The following ERMP1 variants were observed in gnomAD, a reference collection of about 807,000 sequenced individuals.
ERMP1 encodes the protein endoplasmic reticulum metallopeptidase 1.
In ERMP1, 86 loss-of-function variants were observed where a neutral mutation model predicts 92.0. That is an observed-to-expected ratio of 0.93 (90% CI 0.79 to 1.12). ERMP1 has a LOEUF of 1.12. Among genes scored for constraint, ERMP1 ranks in the 50% most tolerant of loss-of-function variants. The pLI is 0.00. For missense variants in ERMP1, 1,342 were observed against 1,116.3 expected, an observed-to-expected ratio of 1.20 and a Z score of -2.88; for synonymous variants, 530 against 412.8, an observed-to-expected ratio of 1.28 and a Z score of -3.44.
Position 5,785,190 on chromosome 9 carries a change from A to G in ERMP1, c.*1954T>C, listed in dbSNP as rs1243087796. On this transcript the variant is annotated 3_prime_UTR_variant, in exon 15 of 15. Coordinates refer to ENST00000339450, the MANE Select transcript of ERMP1 (RefSeq NM_024896.3). ...CAAAAGACAATGGTTTACACAGGGAAATAACCCTAAGGCAATATGAAAACA... is the reference window on the plus strand; with the variant it reads ...CAAAAGACAATGGTTTACACAGGGAGATAACCCTAAGGCAATATGAAAACA... 1 of 152,236 alleles carries G rather than the reference A, an allele frequency of 6.6e-6. No individual in the cohort carries two copies. The highest frequency in any genetic ancestry group is 6.5e-5 in the Admixed American group (1 of 15,278). 9.4% of individuals were successfully genotyped at this position (152,236 alleles called of 1,614,324 possible).
rs1251894147 is a variant in ERMP1 at position 5,786,577 on chromosome 9, A to T, written c.*567T>A. On this transcript the variant is annotated 3_prime_UTR_variant, in exon 15 of 15. Coordinates refer to ENST00000339450, the MANE Select transcript of ERMP1 (RefSeq NM_024896.3). ...AGGCCTCAGCACAGAGAGACAAAGC[A>T]CATTTGAGAGGCTGCCTGAAGAAAC... 6.5e-6 allele frequency: 1 copy of T among 154,840 alleles called. No individual in the cohort carries two copies. Among genetic ancestry groups the T allele is most frequent in the African/African-American group, 2.4e-5 (1 of 41,482 alleles). 9.6% of individuals were successfully genotyped at this position (154,840 alleles called of 1,614,324 possible).
At position 5,824,383 on chromosome 9, in the gene ERMP1, G is replaced by A. The variant is rs1437031251; in HGVS notation, c.769-382C>T. Among the ~76,000 whole-genome samples, 6 of 152,154 alleles carry A rather than the reference G, an allele frequency of 3.9e-5. No homozygotes were observed. The South Asian group carries it at 1.2e-3, about 32-fold the overall frequency. On this transcript the variant is annotated intron_variant, in intron 3 of 14. Coordinates refer to ENST00000339450, the MANE Select transcript of ERMP1 (RefSeq NM_024896.3). The stretch of plus-strand genomic sequence containing the variant: ...GAGCTCAGGAGTTCGAGACCAGCCT[G>A]GGCAACATAGCGAGACTCCCTCTTT...
intron 6 of ERMP1, chr9:5,855,999 C>A: frequency 3.2e-6 from 1 of 315,958 alleles, no homozygotes; most frequent in South Asian, 3.5e-5. Flanking sequence ...CCAGAGATGT[C>A]ATCAATCCCA....
At chr9:5,850,334 G>A (rs917240690) in intron 6 of ERMP1, among the ~76,000 whole-genome samples, 2 of 131,018 alleles carry the variant, frequency 1.5e-5, no homozygotes, top group Non-Finnish European at 3.1e-5. Flanking sequence ...GAACCTGGGA[G>A]GTGAAAGTTG....
At chr9:5,841,308 G>A (rs912669879) in intron 6 of ERMP1, among the ~76,000 whole-genome samples, 1 of 152,320 alleles carries the variant, frequency 6.6e-6, no homozygotes. Flanking sequence ...ATAATGGGAT[G>A]AGCCTTGAAA....
At position 5,863,840 on chromosome 9, in the gene ERMP1, A is replaced by G. The variant is rs145515006; in HGVS notation, n.3055+3962T>C. Among the ~76,000 whole-genome samples, 735 of 152,358 alleles carry G rather than the reference A, an allele frequency of 4.8e-3. 10 individuals carry two copies. Among genetic ancestry groups the G allele is most frequent in the African/African-American group, 0.017 (697 of 41,584 alleles). On this transcript the variant is annotated intron_variant and non_coding_transcript_variant, in intron 5 of 6. Transcript: ENST00000690753. ...CTATTTTATAACTGGCTTCTTTCAC[A>G]TAATAATACAGTATGGGCATTTTCT...
chr9:5,847,796 G>T (rs998500837), intron 6 of ERMP1, among the ~76,000 whole-genome samples: 2 of 151,888 alleles, frequency 1.3e-5, no homozygotes, highest in Non-Finnish European at 2.9e-5. Context: ...TCGGGAGGCT[G>T]AGGCAGGAGA....
At chr9:5,856,280 T>C (rs1369114585) in intron 6 of ERMP1, 1 of 266,062 alleles carries the variant, frequency 3.8e-6, no homozygotes, top group South Asian at 4.4e-5. Flanking sequence ...GACTGTTCTC[T>C]GTTTATTGTT....
At chr9:5,842,282 A>G (rs558889235) in intron 6 of ERMP1, among the ~76,000 whole-genome samples, 14 of 152,066 alleles carry the variant, frequency 9.2e-5, no homozygotes, top group Admixed American at 9.2e-4. Context: ...GCATTTACAA[A>G]TCTTTAGCTA....
chr9:5,817,134 G>A (rs943483659), intron 4 of ERMP1, among the ~76,000 whole-genome samples: 17 of 151,738 alleles, frequency 1.1e-4, no homozygotes, highest in African/African-American at 2.4e-4. Flanking sequence ...TCCTGACCTC[G>A]TGATCCGCCT....
intron 2 of ERMP1, among the ~76,000 whole-genome samples, chr9:5,828,281 T>C (rs1563771346): frequency 6.6e-6 from 1 of 152,220 alleles, no homozygotes; most frequent in Non-Finnish European, 1.5e-5. Flanking sequence ...ATATGTCACT[T>C]TGACATACGG....
intron 6 of ERMP1, among the ~76,000 whole-genome samples, chr9:5,846,886 T>C (rs766961223): frequency 2.6e-5 from 4 of 152,222 alleles, no homozygotes; most frequent in Non-Finnish European, 5.9e-5. Context: ...CTGTTCAGCA[T>C]GGAACTGGAC....
In ERMP1 at chr9:5,848,365, A is replaced by G. The variant is rs555075758; in HGVS notation, n.3199+11103T>C. Among the ~76,000 whole-genome samples the G allele has an allele frequency of 2.6e-4, 39 of 152,224 alleles. No homozygotes were observed. In the South Asian group the frequency reaches 8.1e-3, roughly 32 times the overall value. The stretch of plus-strand genomic sequence containing the variant: ...CCTCCTGCAGCTGGAAAAAGCAGGG[A>G]CGTGGATCTGCGCCTAGAACCCTCA... On this transcript the variant is annotated intron_variant and non_coding_transcript_variant, in intron 6 of 6. Transcript: ENST00000690753.
At chr9:5,865,309 A>G (rs1830619416) in intron 5 of ERMP1, among the ~76,000 whole-genome samples, 2 of 150,616 alleles carry the variant, frequency 1.3e-5, no homozygotes, top group African/African-American at 4.9e-5. Context: ...GATAGAGACC[A>G]TCCTGGATTA....
At chr9:5,839,213 A>G (rs1219898585) in intron 6 of ERMP1, among the ~76,000 whole-genome samples, 1 of 152,190 alleles carries the variant, frequency 6.6e-6, no homozygotes, top group East Asian at 1.9e-4. Flanking sequence ...GAACCAATTA[A>G]AAAAAACTGA....
At chr9:5,852,375 T>A (rs1830320453) in intron 6 of ERMP1, among the ~76,000 whole-genome samples, 1 of 151,742 alleles carries the variant, frequency 6.6e-6, no homozygotes, top group Non-Finnish European at 1.5e-5. Flanking sequence ...GTGACCTCCC[T>A]CCTCAGCCTC....
chr9:5,821,002 G>A (rs1353847921), intron 4 of ERMP1, among the ~76,000 whole-genome samples: 1 of 152,154 alleles, frequency 6.6e-6, no homozygotes, highest in Admixed American at 6.5e-5. Context: ...CCAAAACCTA[G>A]AGGGAGAAAA....
chr9:5,827,206 A>G (rs1829759771), intron 2 of ERMP1, among the ~76,000 whole-genome samples: 1 of 152,216 alleles, frequency 6.6e-6, no homozygotes, highest in Non-Finnish European at 1.5e-5. Flanking sequence ...AAGAAAAAAG[A>G]AGTGCTTCAA....
In ERMP1 at chr9:5,832,797, G is replaced by C; in HGVS notation, c.231C>G (p.Leu77=). 6.7e-7 allele frequency: 1 copy of C among 1,501,842 alleles called. No homozygotes were observed. Among genetic ancestry groups the C allele is most frequent in the African/African-American group, 1.4e-5 (1 of 68,994 alleles). The allele number at this position is 1,501,842 out of a possible 1,614,324, so 93.0% of individuals were successfully genotyped here. Residue 77 remains leucine (L), a synonymous_variant, in exon 1 of 15, where the codon CTC becomes CTG. Coordinates refer to ENST00000339450, the MANE Select transcript of ERMP1 (RefSeq NM_024896.3). ...TCCGCAGCGCGATCAGGTAGAGCGC[G>C]AGCCCCAGCGCGGCGCGCACCTCAG... is the stretch of plus-strand genomic sequence containing the variant. ...GLSEVRAALG[L]ALYLIALRTL... is the part of the protein sequence containing the mutation.
Sources: allele counts gnomAD v4.1 joint callset (sites outside exome capture counted in the v4.1 genomes callset), GRCh38; gene constraint gnomAD v4.1.1; transcripts MANE v1.5; gene names NCBI Gene and HGNC (gene_info 2026-07-23, HGNC 2026-07-21).